Variants in MCMDC2 observed in about 807,000 individuals in gnomAD.
MCMDC2 encodes the protein minichromosome maintenance domain containing 2.
A neutral mutation model predicts 75.8 loss-of-function variants in MCMDC2; 54 were observed. That is an observed-to-expected ratio of 0.71 (90% CI 0.57 to 0.89). The LOEUF (loss-of-function observed/expected upper bound fraction) is 0.89, where lower values mean the gene tolerates loss of function less well. Among genes scored for constraint, MCMDC2 ranks in the 40% least tolerant of loss-of-function variants. The pLI, the probability that MCMDC2 is intolerant of heterozygous loss-of-function variation, is 0.00. For synonymous variants in MCMDC2, 249 were observed against 274.6 expected (o/e 0.91, Z 0.92); for missense variants, 656 against 780.4 (o/e 0.84, Z 1.90).
rs760353086 is a variant in MCMDC2, at chr8:66,874,116, A to G, written c.-25A>G. 5 of 1,533,708 alleles carry G rather than the reference A, an allele frequency of 3.3e-6. No homozygotes were observed. The African/African-American group carries it at 6.9e-5, about 21-fold the overall frequency. ...TTTTATCAACAATTGTGGTTTAATCAATTAGAAATATTAACCAGGAGAAAA... is the reference window on the plus strand; with the variant it reads ...TTTTATCAACAATTGTGGTTTAATCGATTAGAAATATTAACCAGGAGAAAA... On this transcript the variant is annotated 5_prime_UTR_variant, in exon 2 of 15. Transcript: ENST00000422365.
At chr8:66,881,103 C>A in intron 8 of MCMDC2, 129 bp downstream of exon 8, 1 of 701,048 alleles carries the variant, frequency 1.4e-6, no homozygotes, top group Non-Finnish European at 2.0e-6. Context: ...GTAAACAGGA[C>A]AGTCAAGGTT....
At chr8:66,880,456 G>A (rs1811506825) in intron 7 of MCMDC2, among the ~76,000 whole-genome samples, 1 of 152,122 alleles carries the variant, frequency 6.6e-6, no homozygotes, top group Non-Finnish European at 1.5e-5. Context: ...TACATGTATT[G>A]TAGACAGGAA....
At position 66,907,191 on chromosome 8, in the gene MCMDC2, G is replaced by A. The variant is rs188963820; in HGVS notation, c.1879+1856G>A. On this transcript the variant is annotated intron_variant, in intron 14 of 14. Transcript: ENST00000422365. The stretch of plus-strand genomic sequence containing the variant: ...ACCTGTCATCTAGGTTTTAAGCCCC[G>A]CATGGTATTTGTCCTAATGCTCTCC... 4.3e-3 allele frequency among the ~76,000 whole-genome samples: 652 copies of A among 151,904 alleles called. 9 individuals are homozygous for A. Among genetic ancestry groups the A allele is most frequent in the African/African-American group, 0.015 (614 of 41,436 alleles).
At chr8:66,924,597 T>C (rs1813663167), downstream of MCMDC2, among the ~76,000 whole-genome samples, 1 of 147,912 alleles carries the variant, frequency 6.8e-6, no homozygotes, top group Admixed American at 6.8e-5. Context: ...ATCGCGTCAC[T>C]GCACTCCACC....
At chr8:66,914,283 C>CAAAAAAAAAAAA (rs67943900) in intron 14 of MCMDC2, among the ~76,000 whole-genome samples, 1 of 85,746 alleles carries the variant, frequency 1.2e-5, no homozygotes, top group Admixed American at 1.4e-4. Flanking sequence ...ACCCTGTATC[C>CAAAAAAAAAAAA]AAAAAAAAAA....
intron 14 of MCMDC2, among the ~76,000 whole-genome samples, chr8:66,914,157 C>A (rs1244226565): frequency 6.6e-6 from 1 of 151,118 alleles, no homozygotes; most frequent in Non-Finnish European, 1.5e-5. Flanking sequence ...ATGGTGTATA[C>A]CTGTAGTCCC....
intron 13 of MCMDC2, among the ~76,000 whole-genome samples, chr8:66,902,742 A>G (rs10094760): frequency 1.4e-5 from 2 of 142,582 alleles, no homozygotes; most frequent in African/African-American, 5.2e-5. Context: ...ATATATATAT[A>G]CATATATCTT....
intron 13 of MCMDC2, 103 bp downstream of exon 13, chr8:66,901,451 C>G: frequency 6.7e-7 from 1 of 1,484,324 alleles, no homozygotes; most frequent in Non-Finnish European, 8.9e-7. Flanking sequence ...TGCTTGATTG[C>G]TAGTTGGTTG....
intron 10 of MCMDC2, among the ~76,000 whole-genome samples, chr8:66,894,610 A>G (rs1323925278): frequency 6.6e-6 from 1 of 152,252 alleles, no homozygotes; most frequent in African/African-American, 2.4e-5. Flanking sequence ...AAATGCCCAT[A>G]TATTTGCATT....
intron 13 of MCMDC2, among the ~76,000 whole-genome samples, chr8:66,904,437 T>A (rs1417733861): frequency 6.6e-6 from 1 of 152,184 alleles, no homozygotes; most frequent in African/African-American, 2.4e-5. Flanking sequence ...TAGCTTAGAT[T>A]GATAGAATCT....
intron 14 of MCMDC2, among the ~76,000 whole-genome samples, chr8:66,916,701 C>G (rs1813337426): frequency 6.6e-6 from 1 of 152,054 alleles, no homozygotes; most frequent in African/African-American, 2.4e-5. Flanking sequence ...TTAGAGGAAG[C>G]AGACTGGGGG....
At position 66,896,431 on chromosome 8, in the gene MCMDC2, C is replaced by G. The variant is rs991790530; in HGVS notation, c.1446+95C>G. 4 of 1,190,668 alleles carry G rather than the reference C, an allele frequency of 3.4e-6. No homozygotes were observed. The African/African-American group carries it at 6.3e-5, about 19-fold the overall frequency. 73.8% of individuals were successfully genotyped at this position (1,190,668 alleles called of 1,614,324 possible). On this transcript the variant is annotated intron_variant, in intron 11 of 14. Coordinates refer to ENST00000422365, the MANE Select transcript of MCMDC2 (RefSeq NM_173518.5). ...TAATATTTTTGTTATTAACCTGTTT[C>G]TATACTTTATTGAGTACCAGAACTA...
chr8:66,903,555 A>G (rs1812791193), intron 13 of MCMDC2, among the ~76,000 whole-genome samples: 1 of 152,242 alleles, frequency 6.6e-6, no homozygotes, highest in Non-Finnish European at 1.5e-5. Flanking sequence ...GCTGTGATGC[A>G]GCTATTATTT....
At position 66,919,369 on chromosome 8, in the gene MCMDC2, C is replaced by T. The variant is rs976696703; in HGVS notation, c.*200C>T. 3 of 367,498 alleles carry T rather than the reference C, an allele frequency of 8.2e-6. No individual in the cohort carries two copies. In the Admixed American group the frequency reaches 1.4e-4, roughly 17 times the overall value. 22.8% of individuals were successfully genotyped at this position (367,498 alleles called of 1,614,324 possible). ...TACTAATCCAAACCTCTAAAACCAACAGAATTTTAAAACTTAGAACAATGT... is the reference window on the plus strand; with the variant it reads ...TACTAATCCAAACCTCTAAAACCAATAGAATTTTAAAACTTAGAACAATGT... On this transcript the variant is annotated 3_prime_UTR_variant, in exon 15 of 15. Coordinates refer to ENST00000422365, the MANE Select transcript of MCMDC2 (RefSeq NM_173518.5).
intron 14 of MCMDC2, 122 bp downstream of exon 14, chr8:66,905,457 C>G (rs955945585): frequency 2.2e-6 from 2 of 915,558 alleles, no homozygotes; most frequent in African/African-American, 1.7e-5. Flanking sequence ...AATAACAAAT[C>G]TCTACCAGGT....
rs766965014 is a variant in MCMDC2 at position 66,878,820 on chromosome 8, C to T, written c.610C>T (p.Gln204Ter). ...DRKFRVLGDK[Q>*]IVEIIATKAL... ...TTTTTGCTCTTTGCTTTAAGATAAA[C>T]AAATAGTTGAAATAATTGCCACAAA... is the stretch of plus-strand genomic sequence containing the variant. Residue 204 changes from glutamine to a stop codon, truncating the protein, a stop_gained, in exon 7 of 15, where the codon CAA (glutamine) becomes TAA (stop). Coordinates refer to ENST00000422365, the MANE Select transcript of MCMDC2 (RefSeq NM_173518.5). LOFTEE classifies it high-confidence loss of function. 1 of 1,594,792 alleles carries T rather than the reference C, an allele frequency of 6.3e-7. No homozygotes were observed. The highest frequency in any genetic ancestry group is 1.1e-5 in the South Asian group (1 of 88,016).
chr8:66,885,782 T>C (rs1811809364), intron 9 of MCMDC2, among the ~76,000 whole-genome samples: 1 of 152,204 alleles, frequency 6.6e-6, no homozygotes, highest in African/African-American at 2.4e-5. Context: ...CCTCTTCCAA[T>C]CAGTTCCTAT....
chr8:66,899,845 G>A (rs961969067), intron 12 of MCMDC2, among the ~76,000 whole-genome samples: 3 of 151,822 alleles, frequency 2.0e-5, no homozygotes, highest in Admixed American at 1.3e-4. Context: ...TTTTAGGCCG[G>A]GCCTAGTGGC....
rs765329156 is a variant in MCMDC2, at chr8:66,880,928, T to G, written c.789T>G (p.Thr263=). 2 of 1,573,094 alleles carry G rather than the reference T, an allele frequency of 1.3e-6. No individual in the cohort carries two copies. The highest frequency in any genetic ancestry group is 1.7e-6 in the Non-Finnish European group (2 of 1,160,382). Reference sequence around the variant, plus strand: ...CAACCTGTGTAAAAACCTCACAAACTGCTGTCTGTATAGAAGCAAATAGCA... The same window carrying G: ...CAACCTGTGTAAAAACCTCACAAACGGCTGTCTGTATAGAAGCAAATAGCA... ...GIPTCVKTSQ[T]AVCIEANSIT... Residue 263 remains threonine (T), a synonymous_variant, in exon 8 of 15, where the codon ACT becomes ACG. Transcript: ENST00000422365.
Sources: allele counts gnomAD v4.1 joint callset (sites outside exome capture counted in the v4.1 genomes callset), GRCh38; gene constraint gnomAD v4.1.1; transcripts MANE v1.5; gene names NCBI Gene and HGNC (gene_info 2026-07-23, HGNC 2026-07-21).